PHLPP1: variants seen among roughly 807,000 people sequenced by gnomAD.
PHLPP1 encodes the protein PH domain leucine-rich repeat-containing protein phosphatase 1.
In PHLPP1, 42 loss-of-function variants were observed where a neutral mutation model predicts 117.2. That is an observed-to-expected ratio of 0.36 (90% CI 0.28 to 0.46). The LOEUF (loss-of-function observed/expected upper bound fraction) is 0.46, where lower values mean the gene tolerates loss of function less well. Among genes scored for constraint, PHLPP1 ranks in the 20% least tolerant of loss-of-function variants. The pLI, the probability that PHLPP1 is intolerant of heterozygous loss-of-function variation, is 1.00. For missense variants in PHLPP1, 2,084 were observed against 2,241.9 expected, an observed-to-expected ratio of 0.93 and a Z score of 1.42; for synonymous variants, 1,042 against 970.7, an observed-to-expected ratio of 1.07 and a Z score of -1.37.
chr18:62,730,516 G>A (rs192202771), intron 1 of PHLPP1, among the ~76,000 whole-genome samples: 129 of 152,140 alleles, frequency 8.5e-4, no homozygotes, highest in African/African-American at 3.0e-3. Flanking sequence ...AAAAAAAAAG[G>A]TGATTTTAAA....
chr18:62,810,667 C>T (rs1440583551), intron 1 of PHLPP1, among the ~76,000 whole-genome samples: 1 of 152,144 alleles, frequency 6.6e-6, no homozygotes, highest in African/African-American at 2.4e-5. Context: ...TATGTTCTGA[C>T]TCAGGTTGGC....
intron 1 of PHLPP1, among the ~76,000 whole-genome samples, chr18:62,805,883 CT>C (rs879457002): frequency 7.4e-4 from 104 of 139,872 alleles, no homozygotes; most frequent in African/African-American, 1.4e-3. Flanking sequence ...GCCAGTGTTG[CT>C]TTTTTTTTTA....
intron 1 of PHLPP1, among the ~76,000 whole-genome samples, chr18:62,776,612 T>G (rs1235350502): frequency 1.3e-5 from 2 of 151,316 alleles, no homozygotes; most frequent in Admixed American, 1.3e-4. Context: ...GCTGAGTGTT[T>G]TTTTTTTTTT....
intron 11 of PHLPP1, among the ~76,000 whole-genome samples, chr18:62,942,306 A>G (rs1270333735): frequency 6.6e-6 from 1 of 152,154 alleles, no homozygotes; most frequent in Admixed American, 6.6e-5. Context: ...GGGTCACTTG[A>G]GCTGAAGAAT....
chr18:62,818,998 A>G (rs1013166713), intron 1 of PHLPP1, among the ~76,000 whole-genome samples: 10 of 152,252 alleles, frequency 6.6e-5, no homozygotes, highest in African/African-American at 2.2e-4. Flanking sequence ...TTAATGTACA[A>G]TAGATGTATG....
intron 1 of PHLPP1, chr18:62,779,373 A>G (rs1913056869): frequency 6.6e-6 from 1 of 151,916 alleles, no homozygotes; most frequent in Non-Finnish European, 1.5e-5. Context: ...TCTCCATGGT[A>G]CTTGTCACCC....
In PHLPP1 at chr18:62,854,388, G is replaced by T. The variant is rs142492013; in HGVS notation, c.1900-6047G>T. On this transcript the variant is annotated intron_variant, in intron 3 of 16. Transcript: ENST00000262719. The stretch of plus-strand genomic sequence containing the variant: ...CAGCTGGATAAGTTGTGTGGGATTG[G>T]AGTGGGCAGAGCCTATGATGTCAAG... Among the ~76,000 whole-genome samples the T allele has an allele frequency of 5.1e-3, 783 of 152,274 alleles. 11 individuals carry two copies. The highest frequency in any genetic ancestry group is 0.018 in the African/African-American group (745 of 41,554).
At chr18:62,912,314 AT>A (rs1568158954) in intron 8 of PHLPP1, among the ~76,000 whole-genome samples, 2 of 122,254 alleles carry the variant, frequency 1.6e-5, no homozygotes, top group African/African-American at 2.7e-5. Flanking sequence ...AAAAAAAAAA[AT>A]TAAAAAAAAA....
At position 62,785,766 on chromosome 18, in the gene PHLPP1, G is replaced by A. The variant is rs1455042624; in HGVS notation, c.1577-44269G>A. 3.9e-5 allele frequency among the ~76,000 whole-genome samples: 6 copies of A among 152,094 alleles called. No individual in the cohort carries two copies. In the East Asian group the frequency reaches 7.7e-4, roughly 19 times the overall value. On this transcript the variant is annotated intron_variant, in intron 1 of 16. Transcript: ENST00000262719. ...CTAAGTAAAAAAGGAATATGCTGTC[G>A]GTTTAATTTTGGAGGTGAGGAAACC...
At chr18:62,873,814 G>A (rs1291428559) in intron 4 of PHLPP1, among the ~76,000 whole-genome samples, 4 of 152,078 alleles carry the variant, frequency 2.6e-5, no homozygotes, top group South Asian at 2.1e-4. Flanking sequence ...ACAACACCAC[G>A]AAACTACTAA....
intron 4 of PHLPP1, among the ~76,000 whole-genome samples, chr18:62,882,473 A>G (rs585517): frequency 0.59 from 90,008 of 151,752 alleles, 26,933 homozygotes; most frequent in Middle Eastern, 0.67. Flanking sequence ...GGGTTTCACC[A>G]TGGTCTCAAT....
chr18:62,779,180 C>A (rs563709080), intron 1 of PHLPP1, among the ~76,000 whole-genome samples: 1 of 152,288 alleles, frequency 6.6e-6, no homozygotes, highest in South Asian at 2.1e-4. Flanking sequence ...TCTGCCTGAG[C>A]ATGAAAGTGC....
chr18:62,787,396 G>C (rs990524719), intron 1 of PHLPP1, among the ~76,000 whole-genome samples: 6 of 152,072 alleles, frequency 3.9e-5, no homozygotes, highest in African/African-American at 1.4e-4. Flanking sequence ...TCGAACTTCT[G>C]ACCTCAGATG....
intron 4 of PHLPP1, among the ~76,000 whole-genome samples, chr18:62,877,826 C>T (rs763611542): frequency 6.6e-6 from 1 of 152,168 alleles, no homozygotes; most frequent in Non-Finnish European, 1.5e-5. Flanking sequence ...ATGCTGCCGA[C>T]CTAATTTATG....
intron 8 of PHLPP1, among the ~76,000 whole-genome samples, chr18:62,912,846 C>G (rs1916994851): frequency 6.6e-6 from 1 of 152,210 alleles, no homozygotes; most frequent in Non-Finnish European, 1.5e-5. Context: ...GTCTGGAACT[C>G]CTGACCTCAA....
At chr18:62,919,773 T>C (rs1295830772) in intron 9 of PHLPP1, among the ~76,000 whole-genome samples, 186 bp from the exon 10 acceptor site, 1 of 152,234 alleles carries the variant, frequency 6.6e-6, no homozygotes, top group African/African-American at 2.4e-5. Flanking sequence ...AATATTTGTT[T>C]ACATAGTTTT....
intron 10 of PHLPP1, among the ~76,000 whole-genome samples, chr18:62,922,565 A>C (rs1909508018): frequency 6.6e-6 from 1 of 152,246 alleles, no homozygotes; most frequent in South Asian, 2.1e-4. Flanking sequence ...AAGTTATATC[A>C]TAATGAGAAT....
At chr18:62,786,688 AG>A (rs1428728266) in intron 1 of PHLPP1, among the ~76,000 whole-genome samples, 2 of 152,328 alleles carry the variant, frequency 1.3e-5, no homozygotes, top group East Asian at 3.9e-4. Flanking sequence ...CTACACTTAA[AG>A]GCTGTCCTAA....
chr18:62,746,667 G>A (rs898669541), intron 1 of PHLPP1, among the ~76,000 whole-genome samples: 9 of 151,014 alleles, frequency 6.0e-5, no homozygotes, highest in African/African-American at 2.2e-4. Context: ...ACATTTTGCT[G>A]TGCTTCAGAT....
Sources: gnomAD v4.1 joint callset for allele counts (sites outside exome capture counted in the v4.1 genomes callset) on GRCh38, gnomAD v4.1.1 for gene constraint, MANE v1.5 for transcripts, NCBI Gene and HGNC (gene_info 2026-07-23, HGNC 2026-07-21) for gene names.